Variants in GFRA1 observed in about 807,000 individuals in gnomAD.
GFRA1 encodes GDNF family receptor alpha-1.
GFRA1 carries 16 observed loss-of-function variants against 51.6 expected under a neutral mutation model. The observed-to-expected ratio is 0.31, with a 90% CI of 0.21 to 0.47. The LOEUF (loss-of-function observed/expected upper bound fraction) is 0.47. GFRA1 is among the 20% of genes least tolerant of loss of function. The pLI is 1.00. For synonymous variants in GFRA1, 270 were observed against 241.3 expected, an observed-to-expected ratio of 1.12 and a Z score of -1.10; for missense variants, 530 against 594.3, an observed-to-expected ratio of 0.89 and a Z score of 1.13.
intron 5 of GFRA1, among the ~76,000 whole-genome samples, chr10:116,157,669 C>T (rs1044759892): frequency 2.0e-5 from 3 of 152,240 alleles, no homozygotes; most frequent in African/African-American, 7.2e-5. Context: ...CTCCCCTCCT[C>T]CTGTGCACAA....
intron 6 of GFRA1, among the ~76,000 whole-genome samples, chr10:116,102,026 G>T (rs1956835121): frequency 6.6e-6 from 1 of 152,086 alleles, no homozygotes; most frequent in Non-Finnish European, 1.5e-5. Context: ...AAGGGACTTG[G>T]TTTTCTTCGA....
chr10:116,101,131 C>T lies in GFRA1; in HGVS notation c.771-4367G>A, dbSNP rs528846308. ...CTACTGTATGCACAGCTCCAGTGCC[C>T]CAGGACAGCTCCTTCTGCACACACT... On this transcript the variant is annotated intron_variant, in intron 6 of 10. Transcript: ENST00000355422. 3.9e-5 allele frequency among the ~76,000 whole-genome samples: 6 copies of T among 152,274 alleles called. No individual in the cohort carries two copies. The Middle Eastern group carries it at 0.014, about 348-fold the overall frequency.
chr10:116,184,145 T>C (rs1374724437), intron 5 of GFRA1, among the ~76,000 whole-genome samples: 3 of 152,182 alleles, frequency 2.0e-5, no homozygotes, highest in Non-Finnish European at 4.4e-5. Flanking sequence ...AAATGCATAG[T>C]AACAGACCCT....
At chr10:116,194,077 A>G (rs889178866) in intron 5 of GFRA1, among the ~76,000 whole-genome samples, 3 of 150,960 alleles carry the variant, frequency 2.0e-5, no homozygotes, top group African/African-American at 7.3e-5. Context: ...AAAAAAAAAA[A>G]AAAAAGGTGG....
At chr10:116,077,575 G>T (rs1955671495) in intron 9 of GFRA1, among the ~76,000 whole-genome samples, 1 of 152,110 alleles carries the variant, frequency 6.6e-6, no homozygotes, top group Non-Finnish European at 1.5e-5. Context: ...TACTGAAGAT[G>T]CTCAAGCCCA....
chr10:116,199,029 A>T (rs1025987884), intron 5 of GFRA1, among the ~76,000 whole-genome samples: 10 of 152,116 alleles, frequency 6.6e-5, no homozygotes, highest in Admixed American at 5.2e-4. Context: ...CAGGCCAGGG[A>T]ATACTACGGG....
chr10:116,098,435 T>A (rs1956692306), intron 6 of GFRA1, among the ~76,000 whole-genome samples: 1 of 152,216 alleles, frequency 6.6e-6, no homozygotes, highest in Non-Finnish European at 1.5e-5. Context: ...TAAAGATGGC[T>A]CGGGCTTACT....
chr10:116,244,716 G>A (rs1967724355), intron 4 of GFRA1, among the ~76,000 whole-genome samples: 1 of 151,864 alleles, frequency 6.6e-6, no homozygotes, highest in East Asian at 1.9e-4. Context: ...AAAGTTGAGG[G>A]AAATAGAATA....
intron 5 of GFRA1, among the ~76,000 whole-genome samples, chr10:116,201,671 C>T (rs1182580350): frequency 6.6e-6 from 1 of 152,130 alleles, no homozygotes; most frequent in Non-Finnish European, 1.5e-5. Context: ...ACAGACCAAC[C>T]AGGCTTGGGT....
At chr10:116,241,088 T>A (rs1249150657) in intron 4 of GFRA1, among the ~76,000 whole-genome samples, 1 of 152,166 alleles carries the variant, frequency 6.6e-6, no homozygotes, top group East Asian at 1.9e-4. Context: ...TAGTTAAGAT[T>A]CATGTATTTT....
chr10:116,063,035 CCAAA>C lies in GFRA1; in HGVS notation c.*1359_*1362del, dbSNP rs1310163246. The C allele has an allele frequency of 6.6e-6, 1 of 152,150 alleles. No individual in the cohort carries two copies. Among genetic ancestry groups the C allele is most frequent in the Non-Finnish European group, 1.5e-5 (1 of 68,066 alleles). The allele number at this position is 152,150 out of a possible 1,614,324, so 9.4% of individuals were successfully genotyped here. ...TTAATGACCTTCAGACCAAACTGCT[CCAAA>C]CAGTGGCCAAGACGTTGCAGTCAGG... On this transcript the variant is annotated 3_prime_UTR_variant, in exon 11 of 11. Transcript: ENST00000355422.
chr10:116,150,477 T>C (rs967930112), intron 5 of GFRA1, among the ~76,000 whole-genome samples: 33 of 152,204 alleles, frequency 2.2e-4, no homozygotes, highest in African/African-American at 8.0e-4. Context: ...CATGCCCCTC[T>C]GGGTGTTTGA....
chr10:116,082,774 A>G (rs1020094037), intron 9 of GFRA1, among the ~76,000 whole-genome samples: 1 of 152,146 alleles, frequency 6.6e-6, no homozygotes, highest in African/African-American at 2.4e-5. Flanking sequence ...CACCACACCC[A>G]GCCTCAAACC....
chr10:116,253,022 T>C (rs1457925163), intron 4 of GFRA1, among the ~76,000 whole-genome samples: 1 of 152,160 alleles, frequency 6.6e-6, no homozygotes, highest in Non-Finnish European at 1.5e-5. Flanking sequence ...TCCACAAGAT[T>C]AAAAGAGAAG....
intron 5 of GFRA1, among the ~76,000 whole-genome samples, chr10:116,155,040 A>G (rs1483219570): frequency 2.6e-5 from 4 of 152,144 alleles, no homozygotes; most frequent in African/African-American, 9.7e-5. Context: ...ATTAATAGTA[A>G]AGCAAAAATT....
intron 6 of GFRA1, among the ~76,000 whole-genome samples, chr10:116,098,670 G>A (rs902679198): frequency 7.2e-5 from 11 of 152,126 alleles, no homozygotes; most frequent in African/African-American, 1.9e-4. Flanking sequence ...CAAGACAAAA[G>A]GTCGCTCCCT....
At chr10:116,120,384 A>C (rs1957593590) in intron 6 of GFRA1, among the ~76,000 whole-genome samples, 1 of 152,130 alleles carries the variant, frequency 6.6e-6, no homozygotes, top group African/African-American at 2.4e-5. Context: ...CGGCCTGGGC[A>C]ACATAGCAAG....
chr10:116,249,581 T>G (rs1968146461), intron 4 of GFRA1, among the ~76,000 whole-genome samples: 1 of 152,212 alleles, frequency 6.6e-6, no homozygotes, highest in African/African-American at 2.4e-5. Context: ...TGTACCTCGC[T>G]GGCAAGACCG....
intron 9 of GFRA1, among the ~76,000 whole-genome samples, chr10:116,076,077 A>G (rs1486081125): frequency 6.6e-6 from 1 of 152,010 alleles, no homozygotes; most frequent in African/African-American, 2.4e-5. Flanking sequence ...GTCGGACTGG[A>G]GCAAAACAAA....
Sources: gnomAD v4.1 joint callset for allele counts (sites outside exome capture counted in the v4.1 genomes callset) on GRCh38, gnomAD v4.1.1 for gene constraint, MANE v1.5 for transcripts, NCBI Gene and HGNC (gene_info 2026-07-23, HGNC 2026-07-21) for gene names.